Variants in RBBP8 observed in about 807,000 individuals in gnomAD.
The protein encoded by RBBP8 is DNA endonuclease RBBP8.
In RBBP8, 88 loss-of-function variants were observed where a neutral mutation model predicts 108.3. The observed-to-expected ratio is 0.81, with a 90% CI of 0.68 to 0.97. The LOEUF is 0.97. Among genes scored for constraint, RBBP8 ranks in the 50% least tolerant of loss-of-function variants. The pLI, the probability that RBBP8 is intolerant of heterozygous loss-of-function variation, is 0.00. For missense variants in RBBP8, 1,023 were observed against 1,049.0 expected, an observed-to-expected ratio of 0.98 and a Z score of 0.34; for synonymous variants, 332 against 348.2, an observed-to-expected ratio of 0.95 and a Z score of 0.52.
chr18:22,920,189 G>A (rs1909532088), intron 3 of RBBP8, among the ~76,000 whole-genome samples: 1 of 151,968 alleles, frequency 6.6e-6, no homozygotes, highest in Non-Finnish European at 1.5e-5. Flanking sequence ...AATTACTTGG[G>A]CACAGTGGTT....
intron 4 of RBBP8, among the ~76,000 whole-genome samples, chr18:22,951,746 A>G (rs756367327): frequency 4.6e-5 from 7 of 152,214 alleles, no homozygotes; most frequent in Non-Finnish European, 1.0e-4. Flanking sequence ...TGGGGTTCCC[A>G]CAACCCCCTC....
At position 22,993,183 on chromosome 18, in the gene RBBP8, A is replaced by G. The variant is rs150893664; in HGVS notation, c.1356A>G (p.Glu452=). Reference sequence around the variant, plus strand: ...CATCCAAAAGGAAGAAAACTGAGGAAGAAAGTGAACATGAAGTAAGCTGCC... The same window carrying G: ...CATCCAAAAGGAAGAAAACTGAGGAGGAAAGTGAACATGAAGTAAGCTGCC... The part of the protein sequence containing the change: ...GRTSKRKKTE[E]ESEHEVSCPQ... Residue 452 remains glutamate (E), a synonymous_variant, in exon 11 of 19, where the codon GAA becomes GAG. Coordinates refer to ENST00000327155, the MANE Select transcript of RBBP8 (RefSeq NM_002894.3). 9.3e-6 allele frequency: 15 copies of G among 1,614,060 alleles called. No homozygotes were observed. The African/African-American group carries it at 1.2e-4, about 13-fold the overall frequency.
Position 22,993,011 on chromosome 18 carries a change from A to G in RBBP8, c.1184A>G (p.Asn395Ser), listed in dbSNP as rs1445997872. Residue 395 changes from asparagine to serine, a missense_variant, in exon 11 of 19, where the codon AAC becomes AGC. Transcript: ENST00000327155. The stretch of plus-strand genomic sequence containing the variant: ...CATCACAGTCTTGGGTCTGAAGTGA[A>G]CAAGATCATTATCCAGTCATCTAAT... ...FTHHSLGSEV[N>S]KIIIQSSNKQ... 6.2e-7 allele frequency: 1 copy of G among 1,613,626 alleles called. No individual in the cohort carries two copies.
chr18:22,928,187 T>A (rs1459219099), intron 3 of RBBP8, among the ~76,000 whole-genome samples: 2 of 145,072 alleles, frequency 1.4e-5, no homozygotes, highest in Non-Finnish European at 3.0e-5. Context: ...GGGGACAGAG[T>A]AAGACTTTGT....
intron 6 of RBBP8, among the ~76,000 whole-genome samples, chr18:22,981,106 G>A (rs939935950): frequency 2.6e-5 from 4 of 151,744 alleles, no homozygotes; most frequent in South Asian, 2.1e-4. Context: ...CGGGAGCTGG[G>A]ACTACAGGCA....
chr18:22,980,105 G>A (rs917427002), intron 6 of RBBP8, among the ~76,000 whole-genome samples: 3 of 152,038 alleles, frequency 2.0e-5, no homozygotes, highest in African/African-American at 7.2e-5. Flanking sequence ...AATTAGCCAG[G>A]CATGGTGTTG....
chr18:22,935,554 G>A (rs1910495483), intron 1 of RBBP8, among the ~76,000 whole-genome samples: 1 of 152,058 alleles, frequency 6.6e-6, no homozygotes, highest in Non-Finnish European at 1.5e-5. Flanking sequence ...GGTTCACCAA[G>A]TGGCTTCACA....
At chr18:22,976,649 T>C (rs1914520498) in intron 6 of RBBP8, among the ~76,000 whole-genome samples, 1 of 152,102 alleles carries the variant, frequency 6.6e-6, no homozygotes, top group African/African-American at 2.4e-5. Flanking sequence ...TTAAAAAATA[T>C]GAATTTGGAA....
At chr18:23,017,059 T>C in intron 17 of RBBP8, 135 bp downstream of exon 17, 1 of 754,000 alleles carries the variant, frequency 1.3e-6, no homozygotes, top group Non-Finnish European at 2.2e-6. Context: ...ACAGCAGGAA[T>C]AAGGAGTATT....
chr18:22,979,564 A>C (rs1914749728), intron 6 of RBBP8, among the ~76,000 whole-genome samples: 1 of 152,240 alleles, frequency 6.6e-6, no homozygotes, highest in South Asian at 2.1e-4. Flanking sequence ...ATAGTATTGC[A>C]AGTTGATACG....
At chr18:22,946,323 A>G in intron 2 of RBBP8, 121 bp from the exon 3 acceptor site, 2 of 1,352,804 alleles carry the variant, frequency 1.5e-6, no homozygotes, top group South Asian at 1.3e-5. Flanking sequence ...AGGGGCATAT[A>G]CTGTAAACTA....
At chr18:23,002,097 A>G (rs1219686803) in intron 15 of RBBP8, among the ~76,000 whole-genome samples, 1 of 152,200 alleles carries the variant, frequency 6.6e-6, no homozygotes, top group African/African-American at 2.4e-5. Context: ...ATTGTAATAG[A>G]GTAGAAGGAG....
intron 15 of RBBP8, among the ~76,000 whole-genome samples, chr18:23,002,993 C>T (rs531909110): frequency 1.7e-4 from 26 of 152,284 alleles, no homozygotes; most frequent in African/African-American, 5.3e-4. Context: ...TGTACTTATT[C>T]TGTTCCTTCT....
intron 16 of RBBP8, among the ~76,000 whole-genome samples, chr18:23,016,282 C>T (rs574862179): frequency 6.6e-6 from 1 of 152,150 alleles, no homozygotes; most frequent in South Asian, 2.1e-4. Flanking sequence ...CAGTGGCTCA[C>T]GCCTGTAATC....
chr18:22,964,644 T>G (rs1238382866), intron 4 of RBBP8, among the ~76,000 whole-genome samples: 1 of 149,734 alleles, frequency 6.7e-6, no homozygotes, highest in East Asian at 1.9e-4. Flanking sequence ...TATTTTATTT[T>G]ATTTTATTTT....
intron 6 of RBBP8, among the ~76,000 whole-genome samples, chr18:22,980,016 C>CGG (rs142353214): frequency 0.21 from 32,204 of 151,968 alleles, 3,672 homozygotes; most frequent in East Asian, 0.4. Flanking sequence ...GAGGCCGAGA[C>CGG]GGGTGGATCA....
rs1915827870 is a variant in RBBP8, at chr18:22,993,279, CTG to C, written c.1457_1458del (p.Val486AspfsTer3). ...MDNQFSMNGD[C>X]VMDKPLDLSD... ...ATAATCAGTTTTCCATGAATGGAGA[CTG>C]TGTGATGGATAAACCTCTGGATCTG... On this transcript the variant is annotated frameshift_variant, in exon 11 of 19. Coordinates refer to ENST00000327155, the MANE Select transcript of RBBP8 (RefSeq NM_002894.3). LOFTEE classifies it high-confidence loss of function. 6.2e-7 allele frequency: 1 copy of C among 1,614,190 alleles called. No individual in the cohort carries two copies. The highest frequency in any genetic ancestry group is 8.5e-7 in the Non-Finnish European group (1 of 1,180,012).
intron 18 of RBBP8, among the ~76,000 whole-genome samples, chr18:23,024,148 G>A (rs998083358): frequency 1.3e-5 from 2 of 148,792 alleles, no homozygotes; most frequent in African/African-American, 2.5e-5. Flanking sequence ...GCCTCCCAAA[G>A]TGCTGGGATT....
chr18:23,018,315 C>G (rs1383083082), intron 17 of RBBP8, among the ~76,000 whole-genome samples: 6 of 152,222 alleles, frequency 3.9e-5, no homozygotes, highest in African/African-American at 1.4e-4. Context: ...CCTTGGCCTC[C>G]CAAAGTACTG....
Sources: allele counts gnomAD v4.1 joint callset (sites outside exome capture counted in the v4.1 genomes callset), GRCh38; gene constraint gnomAD v4.1.1; transcripts MANE v1.5; gene names NCBI Gene and HGNC (gene_info 2026-07-23, HGNC 2026-07-21).